Variants in LAT2 observed in about 807,000 individuals in gnomAD.
LAT2 encodes linker for activation of T-cells family member 2.
LAT2 carries 23 observed loss-of-function variants against 43.4 expected under a neutral mutation model. That is an observed-to-expected ratio of 0.53 (90% CI 0.38 to 0.75). The LOEUF (loss-of-function observed/expected upper bound fraction) is 0.75, where lower values mean the gene tolerates loss of function less well. LAT2 is among the 30% of genes least tolerant of loss of function. The pLI, the probability that LAT2 is intolerant of heterozygous loss-of-function variation, is 0.00. For synonymous variants in LAT2, 128 were observed against 123.2 expected, an observed-to-expected ratio of 1.04 and a Z score of -0.26; for missense variants, 284 against 310.2, an observed-to-expected ratio of 0.92 and a Z score of 0.64.
At chr7:74,215,914 G>A in intron 2 of LAT2, 33 bp from the exon 3 acceptor site, 1 of 1,494,860 alleles carries the variant, frequency 6.7e-7, no homozygotes. Flanking sequence ...CCTGAAAAAG[G>A]GGCCCCTTGC....
chr7:74,211,158 G>A (rs1174488426), intron 1 of LAT2, among the ~76,000 whole-genome samples: 3 of 149,944 alleles, frequency 2.0e-5, no homozygotes, highest in Admixed American at 6.7e-5. Context: ...GCCGGCCCCT[G>A]GGGGCCTCAG....
rs963880286 is a variant in LAT2, at chr7:74,223,660, G to C, written c.389-64G>C. 1.9e-5 allele frequency: 28 copies of C among 1,467,380 alleles called. No homozygotes were observed. In the East Asian group the frequency reaches 6.1e-4, roughly 32 times the overall value. The allele number at this position is 1,467,380 out of a possible 1,614,324, so 90.9% of individuals were successfully genotyped here. A position where few individuals can be genotyped will look rare whatever the true frequency, so the allele number is the denominator to read the frequency against. ...GCAAAGGGAAGGCAGGACAGAGCGG[G>C]AGGATGAGCCAGGCTTTGCAGGGTC... On this transcript the variant is annotated intron_variant, in intron 10 of 13. Transcript: ENST00000460943.
Position 74,224,698 on chromosome 7 carries a change from G to T in LAT2, c.688G>T (p.Glu230Ter). The T allele has an allele frequency of 6.2e-7, 1 of 1,607,970 alleles. No individual in the cohort carries two copies. The highest frequency in any genetic ancestry group is 8.5e-7 in the Non-Finnish European group (1 of 1,177,412). ...PVGSPDEEDG[E>*]PDYVNGEVAA... The stretch of plus-strand genomic sequence containing the variant: ...GGGAAGCCCAGACGAGGAGGACGGG[G>T]AACCGGATTACGTGAATGGGGAGGT... Residue 230 changes from glutamate to a stop codon, truncating the protein, a stop_gained, in exon 13 of 14, where the codon GAA becomes TAA. Transcript: ENST00000460943. LOFTEE classifies it high-confidence loss of function.
intron 1 of LAT2, among the ~76,000 whole-genome samples, chr7:74,210,554 C>A (rs1006407902): frequency 6.6e-6 from 1 of 152,086 alleles, no homozygotes; most frequent in Non-Finnish European, 1.5e-5. Flanking sequence ...GCCCTCAACT[C>A]TGTCCCTGGG....
chr7:74,215,445 C>T (rs1255678528), intron 2 of LAT2, among the ~76,000 whole-genome samples: 1 of 152,108 alleles, frequency 6.6e-6, no homozygotes, highest in African/African-American at 2.4e-5. Flanking sequence ...GGTGCGTCTG[C>T]GTGAGTGGTG....
chr7:74,224,336 G>T, intron 12 of LAT2, 139 bp downstream of exon 12: 1 of 992,092 alleles, frequency 1.0e-6, no homozygotes, highest in Non-Finnish European at 1.5e-6. Flanking sequence ...AGGAGCAGCT[G>T]CAGAGACCTT....
intron 9 of LAT2, 119 bp from the exon 10 acceptor site, chr7:74,221,518 C>T: frequency 1.6e-6 from 1 of 627,530 alleles, no homozygotes; most frequent in East Asian, 3.0e-5. Flanking sequence ...GGCAGACCCC[C>T]ATGGCCCCCA....
intron 1 of LAT2, among the ~76,000 whole-genome samples, chr7:74,214,253 AATAT>A (rs545297053): frequency 1.5e-4 from 9 of 60,884 alleles, no homozygotes; most frequent in Admixed American, 2.7e-4. Flanking sequence ...TATATATATA[AATAT>A]ATATATATGA....
intron 1 of LAT2, among the ~76,000 whole-genome samples, chr7:74,210,322 C>T (rs927663047): frequency 2.0e-5 from 3 of 152,132 alleles, no homozygotes; most frequent in Non-Finnish European, 2.9e-5. Flanking sequence ...CTTGGGACAT[C>T]CCAGGGTGGT....
chr7:74,228,112 G>T (rs1399528943), intron 13 of LAT2, among the ~76,000 whole-genome samples: 3 of 143,326 alleles, frequency 2.1e-5, no homozygotes, highest in African/African-American at 7.8e-5. Context: ...GAAGGAGGAG[G>T]TTGCAGTGAG....
At chr7:74,216,105 G>C (rs550869351) in intron 3 of LAT2, 36 bp downstream of exon 3, 1 of 1,544,944 alleles carries the variant, frequency 6.5e-7, no homozygotes, top group Admixed American at 1.8e-5. Context: ...TGGGGAGAAG[G>C]TGTGGACAGT....
In LAT2 at chr7:74,220,331, GCGT is replaced by G; in HGVS notation, c.265+81_265+83del. 3 of 1,503,670 alleles carry G rather than the reference GCGT, an allele frequency of 2.0e-6. No homozygotes were observed. Among genetic ancestry groups the G allele is most frequent in the Non-Finnish European group, 2.7e-6 (3 of 1,095,216 alleles). 93.1% of individuals were successfully genotyped at this position (1,503,670 alleles called of 1,614,324 possible). A position where few individuals can be genotyped will look rare whatever the true frequency, so the allele number is the denominator to read the frequency against. On this transcript the variant is annotated intron_variant, in intron 7 of 13. Transcript: ENST00000460943. The surrounding 1 kb of genome is among the most constrained non-coding windows in gnomAD (Gnocchi z 4.5). The stretch of plus-strand genomic sequence containing the variant: ...GACAGGCGAAAACCCCATGGGACAG[GCGT>G]CGTGCAGTGGGGGCTGCGGGGCCAG...
At chr7:74,224,864 C>A (rs1802429101) in intron 13 of LAT2, 104 bp downstream of exon 13, 1 of 852,782 alleles carries the variant, frequency 1.2e-6, no homozygotes, top group Non-Finnish European at 1.8e-6. Flanking sequence ...GGTGGAGGGG[C>A]CATGGTGGGG....
At chr7:74,213,569 C>T (rs187031548) in intron 1 of LAT2, among the ~76,000 whole-genome samples, 50 of 151,990 alleles carry the variant, frequency 3.3e-4, no homozygotes, top group African/African-American at 1.1e-3. Context: ...GGATCACAGG[C>T]GTGTGCCACC....
chr7:74,216,099 GAGA>G (rs1194230874), intron 3 of LAT2, 30 bp downstream of exon 3: 12 of 1,574,122 alleles, frequency 7.6e-6, no homozygotes, highest in Non-Finnish European at 1.0e-5. Context: ...ACGTGATGGG[GAGA>G]AGGTGTGGAC....
At chr7:74,213,904 C>T (rs2116086776) in intron 1 of LAT2, among the ~76,000 whole-genome samples, 1 of 151,106 alleles carries the variant, frequency 6.6e-6, no homozygotes, top group South Asian at 2.1e-4. Flanking sequence ...TCAGAGACCC[C>T]ACCACCCTCA....
chr7:74,224,143 G>C lies in LAT2; in HGVS notation c.574G>C (p.Asp192His), dbSNP rs543296968. 4.3e-6 allele frequency: 7 copies of C among 1,614,176 alleles called. No homozygotes were observed. The East Asian group carries it at 1.3e-4, about 31-fold the overall frequency. The change falls in exon 12 of 14, where the codon GAT (aspartate) becomes CAT (histidine). Residue 192 changes from aspartate to histidine, a missense_variant. Transcript: ENST00000460943. ...CCCGGAAGAAGATGAGGAATCTGAG[G>C]ATTATCAGAACTCAGCATCCATCCA... ...ASPEEDEESE[D>H]YQNSASIHQW...
chr7:74,215,039 G>A (rs1295683500), intron 2 of LAT2, 29 bp downstream of exon 2: 1 of 151,804 alleles, frequency 6.6e-6, no homozygotes, highest in Non-Finnish European at 1.5e-5. Context: ...TTTTGCTGAG[G>A]CCTGGTCATC....
chr7:74,213,411 G>GC (rs1801799612), intron 1 of LAT2, among the ~76,000 whole-genome samples: 1 of 140,638 alleles, frequency 7.1e-6, no homozygotes, highest in Non-Finnish European at 1.5e-5. Context: ...ATGAGCCACT[G>GC]TGCCCGGCCA....
Sources: allele counts gnomAD v4.1 joint callset (sites outside exome capture counted in the v4.1 genomes callset), GRCh38; gene constraint gnomAD v4.1.1; non-coding constraint Gnocchi (gnomAD v3.1); transcripts MANE v1.5; gene names NCBI Gene and HGNC (gene_info 2026-07-23, HGNC 2026-07-21).